ITPR2: variants seen among roughly 807,000 people sequenced by gnomAD.
ITPR2 encodes inositol 1,4,5-trisphosphate-gated calcium channel ITPR2.
ITPR2 carries 207 observed loss-of-function variants against 317.1 expected under a neutral mutation model. The observed-to-expected ratio is 0.65, with a 90% CI of 0.58 to 0.73. The LOEUF is 0.73. Among genes scored for constraint, ITPR2 ranks in the 30% least tolerant of loss-of-function variants. The pLI is 0.00. For missense variants in ITPR2, 2,613 were observed against 3,284.0 expected (o/e 0.80, Z 4.99); for synonymous variants, 1,156 against 1,149.1 (o/e 1.01, Z -0.12).
intron 52 of ITPR2, among the ~76,000 whole-genome samples, chr12:26,405,964 GA>G (rs1940335990): frequency 6.6e-6 from 1 of 151,730 alleles, no homozygotes; most frequent in African/African-American, 2.4e-5. Context: ...TCACAAAAAA[GA>G]AAAAACAAAA....
intron 2 of ITPR2, among the ~76,000 whole-genome samples, chr12:26,761,090 T>C (rs1327222195): frequency 6.6e-6 from 1 of 152,014 alleles, no homozygotes; most frequent in Non-Finnish European, 1.5e-5. Context: ...GGTTACAGGT[T>C]TCAAGTCCGC....
rs1400319805 is a variant in ITPR2 at position 26,655,767 on chromosome 12, C to A, written c.2530G>T (p.Glu844Ter). 1 of 1,613,034 alleles carries A rather than the reference C, an allele frequency of 6.2e-7. No individual in the cohort carries two copies. The highest frequency in any genetic ancestry group is 1.7e-5 in the Admixed American group (1 of 60,014). Residue 844 changes from glutamate to a stop codon, truncating the protein, a stop_gained, in exon 20 of 57, where the codon GAA (glutamate) becomes TAA (stop). Coordinates refer to ENST00000381340, the MANE Select transcript of ITPR2 (RefSeq NM_002223.4). LOFTEE classifies it high-confidence loss of function. ...TMEFVEEYLKEVVNQPFPFGD... is the reference protein window; with the variant it reads ...TMEFVEEYLK ...AAAGGAAAGGGCTGGTTTACAACTTCTTTCAAATATTCTTCAACAAATTCC... is the reference window on the plus strand; with the variant it reads ...AAAGGAAAGGGCTGGTTTACAACTTATTTCAAATATTCTTCAACAAATTCC...
At chr12:26,778,082 G>C (rs1950008822) in intron 2 of ITPR2, among the ~76,000 whole-genome samples, 1 of 152,092 alleles carries the variant, frequency 6.6e-6, no homozygotes, top group Admixed American at 6.6e-5. Flanking sequence ...GTCATCCTAT[G>C]GTCATTTTCC....
intron 37 of ITPR2, among the ~76,000 whole-genome samples, chr12:26,535,489 G>A (rs1318939344): frequency 6.6e-6 from 1 of 152,096 alleles, no homozygotes; most frequent in African/African-American, 2.4e-5. Context: ...AATATCACTG[G>A]AGAACACCTT....
intron 45 of ITPR2, among the ~76,000 whole-genome samples, chr12:26,461,689 TATACACAC>T (rs765399630): frequency 0.079 from 7,391 of 93,168 alleles, 373 homozygotes; most frequent in South Asian, 0.19. Flanking sequence ...TACATATATA[TATACACAC>T]ACACACACAC....
At chr12:26,529,033 C>A (rs1412487129) in intron 37 of ITPR2, among the ~76,000 whole-genome samples, 2 of 152,224 alleles carry the variant, frequency 1.3e-5, no homozygotes, top group African/African-American at 4.8e-5. Flanking sequence ...CTTGCCTCCA[C>A]TGTCACCCTA....
intron 21 of ITPR2, among the ~76,000 whole-genome samples, chr12:26,633,531 T>C (rs1045597696): frequency 4.6e-5 from 7 of 152,226 alleles, no homozygotes; most frequent in African/African-American, 7.2e-5. Flanking sequence ...ACAAAATGTA[T>C]ATATAAGTGT....
At position 26,460,675 on chromosome 12, in the gene ITPR2, C is replaced by T. The variant is rs187259027; in HGVS notation, c.6342+14621G>A. On this transcript the variant is annotated intron_variant, in intron 45 of 56. Coordinates refer to ENST00000381340, the MANE Select transcript of ITPR2 (RefSeq NM_002223.4). ...CTTGAATAAAAATATCCAGGATATA[C>T]GGTAAAAAGCAATTGCAGGCCCTAC... Among the ~76,000 whole-genome samples, 12 of 152,136 alleles carry T rather than the reference C, an allele frequency of 7.9e-5. No individual in the cohort carries two copies. In the South Asian group the frequency reaches 1.7e-3, roughly 21 times the overall value.
intron 37 of ITPR2, among the ~76,000 whole-genome samples, chr12:26,535,356 A>T (rs1335837156): frequency 6.6e-6 from 1 of 152,224 alleles, no homozygotes; most frequent in East Asian, 1.9e-4. Context: ...GTCACAGAAG[A>T]CCAATAAAAC....
intron 37 of ITPR2, among the ~76,000 whole-genome samples, chr12:26,536,307 G>A (rs972848807): frequency 1.3e-5 from 2 of 152,206 alleles, no homozygotes; most frequent in East Asian, 3.9e-4. Context: ...CCCATCTGTT[G>A]GCAACAATAC....
intron 1 of ITPR2, among the ~76,000 whole-genome samples, chr12:26,832,329 G>T (rs1338542269): frequency 6.6e-6 from 1 of 152,222 alleles, no homozygotes; most frequent in Non-Finnish European, 1.5e-5. Context: ...GTGGAAAAGG[G>T]GGGTGTTTTG....
intron 55 of ITPR2, among the ~76,000 whole-genome samples, chr12:26,363,846 A>T (rs1938921083): frequency 6.6e-6 from 1 of 152,186 alleles, no homozygotes; most frequent in East Asian, 1.9e-4. Flanking sequence ...TAAAATCTCG[A>T]CTCATGATAA....
chr12:26,405,569 T>C (rs1940320963), intron 52 of ITPR2, among the ~76,000 whole-genome samples: 1 of 152,240 alleles, frequency 6.6e-6, no homozygotes, highest in African/African-American at 2.4e-5. Context: ...TGTTAATCTA[T>C]AAATTTTAAA....
intron 21 of ITPR2, among the ~76,000 whole-genome samples, chr12:26,644,026 A>C (rs1442316900): frequency 3.9e-5 from 6 of 152,108 alleles, no homozygotes; most frequent in Non-Finnish European, 2.9e-5. Context: ...CAATGGGGAG[A>C]TGAATTAGCC....
chr12:26,441,771 C>T (rs1339873902), intron 46 of ITPR2, among the ~76,000 whole-genome samples: 1 of 152,142 alleles, frequency 6.6e-6, no homozygotes, highest in Non-Finnish European at 1.5e-5. Flanking sequence ...TTCACTCTCT[C>T]CTAGCATTCT....
chr12:26,632,411 A>G (rs1298788146), intron 21 of ITPR2, among the ~76,000 whole-genome samples: 5 of 152,204 alleles, frequency 3.3e-5, no homozygotes, highest in Non-Finnish European at 5.9e-5. Context: ...AATAATGCAA[A>G]AGAAGATTAC....
At chr12:26,410,236 G>T (rs1407999480) in intron 52 of ITPR2, among the ~76,000 whole-genome samples, 2 of 152,180 alleles carry the variant, frequency 1.3e-5, no homozygotes, top group African/African-American at 4.8e-5. Flanking sequence ...GAATGAGCTG[G>T]TTCTTATTGT....
chr12:26,777,318 A>G (rs949343500), intron 2 of ITPR2, among the ~76,000 whole-genome samples: 2 of 152,318 alleles, frequency 1.3e-5, no homozygotes, highest in African/African-American at 4.8e-5. Flanking sequence ...CCCTTGACCA[A>G]TGCTTTGTGA....
intron 55 of ITPR2, among the ~76,000 whole-genome samples, chr12:26,359,741 T>C (rs1033263128): frequency 2.2e-4 from 33 of 152,096 alleles, no homozygotes; most frequent in African/African-American, 8.0e-4. Context: ...TGATCTGTGA[T>C]TGGCCTCATG....
Sources: allele counts gnomAD v4.1 joint callset (sites outside exome capture counted in the v4.1 genomes callset), GRCh38; gene constraint gnomAD v4.1.1; transcripts MANE v1.5; gene names NCBI Gene and HGNC (gene_info 2026-07-23, HGNC 2026-07-21).